KSR1: variants seen among roughly 807,000 people sequenced by gnomAD.
KSR1 encodes the protein kinase suppressor of ras 1, also known as kinase suppressor of ras.
A neutral mutation model predicts 92.9 loss-of-function variants in KSR1; 35 were observed. The observed-to-expected ratio is 0.38, with a 90% confidence interval of 0.29 to 0.50. The LOEUF (loss-of-function observed/expected upper bound fraction) is 0.50. Ranked by LOEUF, KSR1 falls within the 20% of genes least tolerant of loss-of-function variation. The pLI is 0.94. For synonymous variants in KSR1, 467 were observed against 472.6 expected, an observed-to-expected ratio of 0.99 and a Z score of 0.15; for missense variants, 972 against 1,158.5, an observed-to-expected ratio of 0.84 and a Z score of 2.34.
chr17:27,544,049 GTGTTTTCTGTGT>G (rs1483856821), intron 1 of KSR1, among the ~76,000 whole-genome samples: 1 of 152,226 alleles, frequency 6.6e-6, no homozygotes, highest in East Asian at 1.9e-4. Context: ...CGCCGCAAGA[GTGTTTTCTGTGT>G]TCCACACGTT....
chr17:27,622,627 C>T (rs562147746), intron 20 of KSR1: 1 of 152,802 alleles, frequency 6.5e-6, no homozygotes, highest in African/African-American at 2.4e-5. Flanking sequence ...GTACCTGGCT[C>T]CAGACAATTT....
chr17:27,505,676 A>G (rs1350769254), intron 1 of KSR1, among the ~76,000 whole-genome samples: 1 of 152,226 alleles, frequency 6.6e-6, no homozygotes, highest in African/African-American at 2.4e-5. Flanking sequence ...TGCGTCTTAA[A>G]TAAGTTAGTG....
intron 1 of KSR1, among the ~76,000 whole-genome samples, chr17:27,466,347 A>C (rs2019692927): frequency 6.6e-6 from 1 of 152,206 alleles, no homozygotes; most frequent in Non-Finnish European, 1.5e-5. Flanking sequence ...CTTTTTTACA[A>C]AGGGAAATAG....
intron 20 of KSR1, chr17:27,622,868 A>G: frequency 5.3e-6 from 1 of 190,000 alleles, no homozygotes; most frequent in Non-Finnish European, 1.1e-5. Flanking sequence ...GGCCCTAGGA[A>G]TTTGCATTTC....
At chr17:27,478,952 CCATT>C (rs1440772647) in intron 1 of KSR1, among the ~76,000 whole-genome samples, 2 of 151,522 alleles carry the variant, frequency 1.3e-5, no homozygotes, top group Non-Finnish European at 2.9e-5. Flanking sequence ...GCTCCTCCCT[CCATT>C]CATGCTCCTC....
intron 1 of KSR1, among the ~76,000 whole-genome samples, chr17:27,509,447 C>T (rs1209836379): frequency 2.0e-5 from 3 of 152,058 alleles, no homozygotes; most frequent in Non-Finnish European, 2.9e-5. Context: ...CCTGCCACCA[C>T]GCCCGGCTAT....
chr17:27,476,899 T>C (rs745810858), intron 1 of KSR1, among the ~76,000 whole-genome samples: 3 of 152,034 alleles, frequency 2.0e-5, no homozygotes, highest in Non-Finnish European at 4.4e-5. Context: ...GGCAAGTCCA[T>C]AGAGTAAAGT....
intron 1 of KSR1, among the ~76,000 whole-genome samples, chr17:27,480,462 AT>A (rs1338277580): frequency 6.6e-6 from 1 of 151,900 alleles, no homozygotes; most frequent in Non-Finnish European, 1.5e-5. Context: ...CAGTGGTGCG[AT>A]CTTGGCTCAC....
intron 2 of KSR1, among the ~76,000 whole-genome samples, chr17:27,551,520 A>T (rs572345254): frequency 2.4e-4 from 37 of 152,000 alleles, no homozygotes; most frequent in Middle Eastern, 6.8e-3. Context: ...AATCACATAC[A>T]TACTCCTAAC....
rs1371296640 is a variant in KSR1 at position 27,611,605 on chromosome 17, T to C, written c.2469T>C (p.Ser823=). 1.2e-6 allele frequency: 2 copies of C among 1,613,864 alleles called. No homozygotes were observed. The highest frequency in any genetic ancestry group is 2.2e-5 in the South Asian group (2 of 91,064). Residue 823 remains serine, a synonymous_variant, in exon 18 of 21, where the codon TCT becomes TCC. Coordinates refer to ENST00000644974, the MANE Select transcript of KSR1 (RefSeq NM_001394583.1). ...SGEGMKRVLT[S]VSLGKEVSEI... ...AAGGAATGAAGCGTGTCCTGACTTC[T>C]GTCAGCTTGGGGAAGGAAGTCAGTG...
At position 27,577,113 on chromosome 17, in the gene KSR1, A is replaced by G. The variant is rs1386383873; in HGVS notation, c.373-379A>G. 4.0e-5 allele frequency among the ~76,000 whole-genome samples: 6 copies of G among 151,502 alleles called. No individual in the cohort carries two copies. Among genetic ancestry groups the G allele is most frequent in the Non-Finnish European group, 8.8e-5 (6 of 67,946 alleles). ...ATTTGAAATCTCTCTTATCTGATTCAGATACAACAAAATTGTGAAGGGCCA... is the reference window on the plus strand; with the variant it reads ...ATTTGAAATCTCTCTTATCTGATTCGGATACAACAAAATTGTGAAGGGCCA... On this transcript the variant is annotated intron_variant, in intron 2 of 20. Transcript: ENST00000644974. This position sits in a 1 kb window ranked among gnomAD's most constrained non-coding sequence, Gnocchi z 4.5.
At chr17:27,462,296 T>G (rs2019485013) in intron 1 of KSR1, among the ~76,000 whole-genome samples, 1 of 152,164 alleles carries the variant, frequency 6.6e-6, no homozygotes, top group African/African-American at 2.4e-5. Context: ...CTTGAGAACT[T>G]ATGTTCAGAA....
chr17:27,526,070 C>CTTTCTTTCTT (rs369132413), intron 1 of KSR1, among the ~76,000 whole-genome samples: 2 of 81,412 alleles, frequency 2.5e-5, no homozygotes, highest in African/African-American at 1.1e-4. Context: ...CTCTTTCTTT[C>CTTTCTTTCTT]TCTTTCTTTC....
chr17:27,603,440 G>C (rs746598298), intron 11 of KSR1, among the ~76,000 whole-genome samples: 1 of 152,260 alleles, frequency 6.6e-6, no homozygotes, highest in Non-Finnish European at 1.5e-5. Flanking sequence ...AGCAGCCCCT[G>C]CTTCCAAACA....
At chr17:27,621,026 C>A in intron 19 of KSR1, 167 bp from the exon 20 acceptor site, 1 of 395,156 alleles carries the variant, frequency 2.5e-6, no homozygotes, top group East Asian at 3.6e-5. Flanking sequence ...TTCCATTGAT[C>A]TTGTCACTTT....
intron 1 of KSR1, among the ~76,000 whole-genome samples, chr17:27,544,049 G>A (rs1202618798): frequency 6.6e-6 from 1 of 152,226 alleles, no homozygotes; most frequent in Non-Finnish European, 1.5e-5. Context: ...CGCCGCAAGA[G>A]TGTTTTCTGT....
At chr17:27,618,558 C>T (rs914216290) in intron 19 of KSR1, among the ~76,000 whole-genome samples, 3 of 152,326 alleles carry the variant, frequency 2.0e-5, no homozygotes, top group African/African-American at 2.4e-5. Context: ...GGGCTGACTT[C>T]GGCAGTGGGC....
intron 5 of KSR1, chr17:27,587,277 G>C (rs574176400): frequency 1.3e-5 from 2 of 152,354 alleles, no homozygotes; most frequent in East Asian, 3.9e-4. Flanking sequence ...GAGAGCTGCG[G>C]GTGAGATAGA....
chr17:27,592,352 C>T lies in KSR1; in HGVS notation c.1131-9C>T. ...GTGCTTTGCACACCAACCTCCCCTTCTTTACCAGGTTGAAGTGTCACAACA... is the reference window on the plus strand; with the variant it reads ...GTGCTTTGCACACCAACCTCCCCTTTTTTACCAGGTTGAAGTGTCACAACA... On this transcript the variant is annotated splice_polypyrimidine_tract_variant and intron_variant, in intron 7 of 20. Transcript: ENST00000644974. 6.2e-7 allele frequency: 1 copy of T among 1,613,680 alleles called. No individual in the cohort carries two copies. Among genetic ancestry groups the T allele is most frequent in the Non-Finnish European group, 8.5e-7 (1 of 1,179,588 alleles).
Sources: gnomAD v4.1 joint callset for allele counts (sites outside exome capture counted in the v4.1 genomes callset) on GRCh38, gnomAD v4.1.1 for gene constraint, Gnocchi (gnomAD v3.1) non-coding constraint, MANE v1.5 for transcripts, NCBI Gene and HGNC (gene_info 2026-07-23, HGNC 2026-07-21) for gene names.